The following SLC30A9 variants were observed in gnomAD, a reference collection of about 807,000 sequenced individuals.
The protein encoded by SLC30A9 is solute carrier family 30 member 9.
SLC30A9 carries 58 observed loss-of-function variants against 87.5 expected under a neutral mutation model. That is an observed-to-expected ratio of 0.66 (90% CI 0.54 to 0.82). The LOEUF (loss-of-function observed/expected upper bound fraction) is 0.82, where lower values mean the gene tolerates loss of function less well. Among genes scored for constraint, SLC30A9 ranks in the 40% least tolerant of loss-of-function variants. SLC30A9 has a pLI of 0.00. For synonymous variants in SLC30A9, 234 were observed against 233.0 expected (o/e 1.00, Z -0.04); for missense variants, 557 against 679.1 (o/e 0.82, Z 2.00).
intron 9 of SLC30A9, among the ~76,000 whole-genome samples, chr4:42,050,904 G>C (rs528902880): frequency 3.3e-5 from 5 of 152,320 alleles, no homozygotes; most frequent in Admixed American, 3.3e-4. Flanking sequence ...CAGGGTGTCT[G>C]AGGTGGCTAG....
In SLC30A9 at chr4:42,070,493, T is replaced by G. The variant is rs1289115528; in HGVS notation, c.1253-33T>G. On this transcript the variant is annotated intron_variant, in intron 14 of 17. Transcript: ENST00000264451. ...AGTTCACTGAAATAATATAAACTGT[T>G]AATTTACTGATTTTTTTATGTGCTT... is the stretch of plus-strand genomic sequence containing the variant. The G allele has an allele frequency of 2.5e-6, 4 of 1,572,086 alleles. No homozygotes were observed. The Admixed American group carries it at 5.2e-5, about 20-fold the overall frequency.
At chr4:41,994,901 G>C (rs1714630133) in intron 1 of SLC30A9, among the ~76,000 whole-genome samples, 2 of 149,710 alleles carry the variant, frequency 1.3e-5, no homozygotes, top group African/African-American at 4.9e-5. Flanking sequence ...GGAGGAGGAG[G>C]GACCTCTGCT....
intron 2 of SLC30A9, 132 bp from the exon 3 acceptor site, chr4:42,017,979 A>C: frequency 3.5e-6 from 2 of 569,788 alleles, no homozygotes; most frequent in Non-Finnish European, 6.3e-6. Flanking sequence ...TTACATTCTT[A>C]AGATGAATCC....
At chr4:42,049,258 G>T (rs1352172068) in intron 8 of SLC30A9, 119 bp from the exon 9 acceptor site, 2 of 569,412 alleles carry the variant, frequency 3.5e-6, no homozygotes, top group Admixed American at 5.8e-5. Context: ...GAGCCATTGT[G>T]CTTAGCCTAA....
At chr4:42,039,567 A>G (rs1206917926) in intron 8 of SLC30A9, among the ~76,000 whole-genome samples, 3 of 150,534 alleles carry the variant, frequency 2.0e-5, no homozygotes, top group African/African-American at 7.4e-5. Flanking sequence ...GGTTCAAGCC[A>G]TTCTCCTGCA....
rs148984745 is a variant in SLC30A9 at position 42,042,256 on chromosome 4, G to A, written c.737+3203G>A. Among the ~76,000 whole-genome samples, 7 of 152,284 alleles carry A rather than the reference G, an allele frequency of 4.6e-5. No homozygotes were observed. In the East Asian group the frequency reaches 1.4e-3, roughly 29 times the overall value. ...GGGGCTGAAACCAGGGAGCTAAGTG[G>A]TCTAGCTCAGCAGATCCCACCTCCA... On this transcript the variant is annotated intron_variant, in intron 8 of 17. Coordinates refer to ENST00000264451, the MANE Select transcript of SLC30A9 (RefSeq NM_006345.4).
intron 17 of SLC30A9, among the ~76,000 whole-genome samples, chr4:42,084,767 G>A (rs993683816): frequency 3.9e-5 from 6 of 152,078 alleles, no homozygotes; most frequent in South Asian, 2.1e-4. Context: ...CACCGCGCCC[G>A]GCCAGGTGCC....
chr4:42,063,072 A>G lies in SLC30A9; in HGVS notation c.983A>G (p.His328Arg). 6.2e-7 allele frequency: 1 copy of G among 1,613,778 alleles called. No individual in the cohort carries two copies. Among genetic ancestry groups the G allele is most frequent in the South Asian group, 1.1e-5 (1 of 91,058 alleles). Residue 328 changes from histidine to arginine, a missense_variant, in exon 11 of 18, where the codon CAT becomes CGT. By Grantham distance (29) the His-to-Arg change is conservative. Around this residue, in one of 2 missense-constraint regions of SLC30A9, gnomAD observed 467 missense variants for 529.8 expected, o/e 0.88. Coordinates refer to ENST00000264451, the MANE Select transcript of SLC30A9 (RefSeq NM_006345.4). ...ATGGGTGCAGGACTATCTTGGTACC[A>G]TGGAGTCATGGGATTGCTTCATCCT... is the stretch of plus-strand genomic sequence containing the variant. ...FMMGAGLSWY[H>R]GVMGLLHPQP...
In SLC30A9 at chr4:42,086,796, C is replaced by G. The variant is rs2153141922; in HGVS notation, c.*670C>G. 1 of 152,592 alleles carries G rather than the reference C, an allele frequency of 6.6e-6. No homozygotes were observed. Among genetic ancestry groups the G allele is most frequent in the Non-Finnish European group, 1.5e-5 (1 of 67,970 alleles). The allele number at this position is 152,592 out of a possible 1,614,324, so 9.5% of individuals were successfully genotyped here. A position where few individuals can be genotyped will look rare whatever the true frequency, so the allele number is the denominator to read the frequency against. On this transcript the variant is annotated 3_prime_UTR_variant, in exon 18 of 18. Transcript: ENST00000264451. Reference sequence around the variant, plus strand: ...TAGTAGTTGCCATTTTGTAAAATTTCTTTTTTCTTCTTTGCTTTTTTCCCC... The same window carrying G: ...TAGTAGTTGCCATTTTGTAAAATTTGTTTTTTCTTCTTTGCTTTTTTCCCC...
intron 9 of SLC30A9, among the ~76,000 whole-genome samples, chr4:42,052,756 ATAAAAGT>A: frequency 6.6e-6 from 1 of 152,402 alleles, no homozygotes; most frequent in East Asian, 1.9e-4. Context: ...TAGTCCAAAT[ATAAAAGT>A]TAAAACTATG....
At chr4:42,034,192 G>A (rs1235893052) in intron 6 of SLC30A9, among the ~76,000 whole-genome samples, 1 of 150,292 alleles carries the variant, frequency 6.7e-6, no homozygotes, top group African/African-American at 2.4e-5. Flanking sequence ...TTTTATAAAG[G>A]TAATATTGAG....
chr4:42,068,312 C>T (rs891856085), intron 14 of SLC30A9, among the ~76,000 whole-genome samples: 15 of 149,246 alleles, frequency 1.0e-4, no homozygotes, highest in Admixed American at 3.4e-4. Flanking sequence ...GGTGCCATGT[C>T]GGCTCACTGC....
intron 17 of SLC30A9, among the ~76,000 whole-genome samples, chr4:42,081,938 G>A (rs923375790): frequency 1.3e-5 from 2 of 152,100 alleles, no homozygotes; most frequent in Admixed American, 1.3e-4. Flanking sequence ...GCATGGCCGG[G>A]CGCGTGCGGT....
rs1341549717 is a variant in SLC30A9 at position 42,068,863 on chromosome 4, TGAAAA to T, written c.1253-1660_1253-1656del. 3.3e-5 allele frequency among the ~76,000 whole-genome samples: 5 copies of T among 152,360 alleles called. No homozygotes were observed. In the East Asian group the frequency reaches 7.7e-4, roughly 23 times the overall value. On this transcript the variant is annotated intron_variant, in intron 14 of 17. Coordinates refer to ENST00000264451, the MANE Select transcript of SLC30A9 (RefSeq NM_006345.4). ...TATTTTCGAAAACAACCATTTAGCATGAAAAGACTCAATTTATGAAGTTGGAATTC... is the reference window on the plus strand; with the variant it reads ...TATTTTCGAAAACAACCATTTAGCATGACTCAATTTATGAAGTTGGAATTC...
At position 42,078,129 on chromosome 4, in the gene SLC30A9, A is replaced by G. The variant is rs1344872901; in HGVS notation, c.1549-83A>G. 6.3e-6 allele frequency: 4 copies of G among 637,636 alleles called. No homozygotes were observed. In the South Asian group the frequency reaches 6.3e-5, roughly 10 times the overall value. 39.5% of individuals were successfully genotyped at this position (637,636 alleles called of 1,614,324 possible). A position where few individuals can be genotyped will look rare whatever the true frequency, so the allele number is the denominator to read the frequency against. The stretch of plus-strand genomic sequence containing the variant: ...CATTAAACTTAATGGCGTTTGTTAT[A>G]GGTTTGTTTTTTTTTAAGGAGTCAT... On this transcript the variant is annotated intron_variant, in intron 16 of 17. Transcript: ENST00000264451.
intron 3 of SLC30A9, chr4:42,018,472 C>G: frequency 8.4e-7 from 1 of 1,194,432 alleles, no homozygotes; most frequent in Non-Finnish European, 1.1e-6. Context: ...AACAAGAGGC[C>G]CACACTTTTC....
chr4:42,018,004 C>T, intron 2 of SLC30A9, 107 bp from the exon 3 acceptor site: 1 of 626,556 alleles, frequency 1.6e-6, no homozygotes, highest in South Asian at 1.8e-5. Context: ...TGGTCTGATA[C>T]ATTGTCGTTT....
chr4:42,018,020 C>G, intron 2 of SLC30A9, 91 bp from the exon 3 acceptor site: 1 of 676,694 alleles, frequency 1.5e-6, no homozygotes, highest in Non-Finnish European at 2.6e-6. Flanking sequence ...CGTTTTTATG[C>G]ATTGCTATAT....
rs775880019 is a variant in SLC30A9 at position 42,075,812 on chromosome 4, A to G, written c.1548+26A>G. On this transcript the variant is annotated intron_variant, in intron 16 of 17. Transcript: ENST00000264451. ...GTAAGTTTATTTGTTGTTTTCTTAC[A>G]TAACTGAGGGTTAGAAAAATGCTTT... The G allele has an allele frequency of 5.0e-6, 8 of 1,599,702 alleles. No individual in the cohort carries two copies. The Admixed American group carries it at 5.2e-5, about 10-fold the overall frequency.
Sources: gnomAD v4.1 joint callset for allele counts (sites outside exome capture counted in the v4.1 genomes callset) on GRCh38, gnomAD v4.1.1 for gene constraint, gnomAD v4.1.1 regional missense constraint, MANE v1.5 for transcripts, NCBI Gene and HGNC (gene_info 2026-07-23, HGNC 2026-07-21) for gene names.